DLGAP1: variants seen among roughly 807,000 people sequenced by gnomAD.
DLGAP1 encodes disks large-associated protein 1.
A neutral mutation model predicts 90.8 loss-of-function variants in DLGAP1; 11 were observed. That is an observed-to-expected ratio of 0.12 (90% CI 0.08 to 0.20). DLGAP1 has a LOEUF of 0.20. Among genes scored for constraint, DLGAP1 ranks in the 10% least tolerant of loss-of-function variants. The probability of loss-of-function intolerance (pLI) is 1.00; values close to 1 mark genes in which losing one functional copy is unlikely to be tolerated. For missense variants in DLGAP1, 1,050 were observed against 1,333.8 expected, an observed-to-expected ratio of 0.79 and a Z score of 3.31; for synonymous variants, 558 against 540.7, an observed-to-expected ratio of 1.03 and a Z score of -0.44.
At chr18:3,937,069 C>T (rs1486208256) in intron 3 of DLGAP1, among the ~76,000 whole-genome samples, 2 of 152,200 alleles carry the variant, frequency 1.3e-5, no homozygotes, top group Non-Finnish European at 2.9e-5. Context: ...GAAACATGGG[C>T]ACGCCCTGGA....
At chr18:3,983,893 A>G (rs908268122) in intron 3 of DLGAP1, 2 of 152,186 alleles carry the variant, frequency 1.3e-5, no homozygotes, top group Admixed American at 1.3e-4. Flanking sequence ...TGACTGAGTT[A>G]CCACTGAAAT....
intron 1 of DLGAP1, among the ~76,000 whole-genome samples, chr18:4,408,975 AC>A (rs2082719922): frequency 7.2e-4 from 4 of 5,590 alleles, no homozygotes; most frequent in African/African-American, 8.5e-4. Flanking sequence ...ACACACACAC[AC>A]ACAAACACAC....
intron 1 of DLGAP1, among the ~76,000 whole-genome samples, chr18:4,353,550 C>T (rs1225128094): frequency 6.6e-6 from 1 of 152,094 alleles, no homozygotes; most frequent in African/African-American, 2.4e-5. Flanking sequence ...CTTTCTGCAG[C>T]CTTCTGCTTT....
At chr18:4,160,893 C>A (rs1261570978) in intron 1 of DLGAP1, among the ~76,000 whole-genome samples, 1 of 151,940 alleles carries the variant, frequency 6.6e-6, no homozygotes, top group East Asian at 1.9e-4. Context: ...CTACAGATAC[C>A]AAAATTGAGG....
intron 3 of DLGAP1, among the ~76,000 whole-genome samples, chr18:3,949,047 T>C (rs188973501): frequency 6.6e-6 from 1 of 152,268 alleles, no homozygotes; most frequent in East Asian, 1.9e-4. Flanking sequence ...AAAAAGGCTT[T>C]CAGGAAGAAT....
intron 1 of DLGAP1, among the ~76,000 whole-genome samples, chr18:4,219,738 T>C (rs1269013854): frequency 6.6e-6 from 1 of 152,104 alleles, no homozygotes; most frequent in Non-Finnish European, 1.5e-5. Context: ...GAAGAGGCTG[T>C]CCCTTCTCTA....
intron 1 of DLGAP1, among the ~76,000 whole-genome samples, chr18:4,284,957 C>T (rs115628657): frequency 0.021 from 3,238 of 152,190 alleles, 131 homozygotes; most frequent in African/African-American, 0.074. Flanking sequence ...AAAGTGCTTT[C>T]GCAATAAAGC....
At chr18:3,749,146 T>G (rs914075857) in intron 5 of DLGAP1, among the ~76,000 whole-genome samples, 1 of 142,198 alleles carries the variant, frequency 7.0e-6, no homozygotes, top group Non-Finnish European at 1.5e-5. Context: ...CTTCTTCTTC[T>G]TCTTTTTTTT....
At position 4,180,763 on chromosome 18, in the gene DLGAP1, C is replaced by CATGGCAAAGAG. The variant is rs1555755994; in HGVS notation, c.-266-29477_-266-29476insCTCTTTGCCAT. On this transcript the variant is annotated intron_variant, in intron 1 of 12. Transcript: ENST00000315677. Reference sequence around the variant, plus strand: ...ATGGGGAAGGTTTACAAAATTTTATCATATGCTCAGAGGTAGGGAAAATCA... The same window carrying CATGGCAAAGAG: ...ATGGGGAAGGTTTACAAAATTTTATCATGGCAAAGAGATATGCTCAGAGGTAGGGAAAATCA... Among the ~76,000 whole-genome samples, 4 of 151,554 alleles carry CATGGCAAAGAG rather than the reference C, an allele frequency of 2.6e-5. No homozygotes were observed. The East Asian group carries it at 7.8e-4, about 30-fold the overall frequency.
At chr18:3,719,394 T>C (rs552590720) in intron 7 of DLGAP1, among the ~76,000 whole-genome samples, 1 of 151,076 alleles carries the variant, frequency 6.6e-6, no homozygotes, top group East Asian at 1.9e-4. Context: ...CTGTCTCTAC[T>C]AAAAATACAA....
At chr18:4,283,199 T>C (rs1739376887) in intron 1 of DLGAP1, among the ~76,000 whole-genome samples, 1 of 152,160 alleles carries the variant, frequency 6.6e-6, no homozygotes, top group South Asian at 2.1e-4. Context: ...TCGGACCCTA[T>C]CTGATATGTA....
At chr18:3,825,602 T>C (rs1227794114) in intron 4 of DLGAP1, among the ~76,000 whole-genome samples, 2 of 152,256 alleles carry the variant, frequency 1.3e-5, no homozygotes, top group East Asian at 1.9e-4. Flanking sequence ...TTTTGACCCA[T>C]GGTTGGTTAA....
intron 7 of DLGAP1, among the ~76,000 whole-genome samples, chr18:3,685,624 T>A (rs1207326537): frequency 6.6e-6 from 1 of 151,012 alleles, no homozygotes; most frequent in African/African-American, 2.4e-5. Context: ...TATTTATTTA[T>A]TTTGTAGAGA....
In DLGAP1 at chr18:4,334,649, C is replaced by T. The variant is rs983249423; in HGVS notation, c.-267+120357G>A. On this transcript the variant is annotated intron_variant, in intron 1 of 12. Transcript: ENST00000315677. Reference sequence around the variant, plus strand: ...TACTGAGGGATCAACTGTACAGGAACACAAAATGCAAGAGAGAGGAGAGGT... The same window carrying T: ...TACTGAGGGATCAACTGTACAGGAATACAAAATGCAAGAGAGAGGAGAGGT... Among the ~76,000 whole-genome samples the T allele has an allele frequency of 3.3e-5, 5 of 151,812 alleles. 1 individual carries two copies. The highest frequency in any genetic ancestry group is 1.2e-4 in the African/African-American group (5 of 41,148).
intron 5 of DLGAP1, among the ~76,000 whole-genome samples, chr18:3,748,925 A>G (rs1243852437): frequency 2.0e-5 from 3 of 152,204 alleles, no homozygotes; most frequent in African/African-American, 2.4e-5. Context: ...TTACTTTTGT[A>G]GTTGCCTCTT....
chr18:3,821,833 T>C (rs370378261), intron 4 of DLGAP1: 3 of 848,850 alleles, frequency 3.5e-6, no homozygotes, highest in Non-Finnish European at 1.4e-6. Flanking sequence ...TTTAGAGAAA[T>C]GGCTGTAATG....
Position 3,580,722 on chromosome 18 carries a change from AGGACCAGGACAGCCAC to A in DLGAP1, c.1965+1137_1965+1152del, listed in dbSNP as rs1034718399. On this transcript the variant is annotated intron_variant, in intron 8 of 12. Transcript: ENST00000315677. Reference sequence around the variant, plus strand: ...GATCACAGTCAACCACAGGCCTCTCAGGACCAGGACAGCCACGCACCATCCCCTCAGGTGTGACCGG... The same window carrying A: ...GATCACAGTCAACCACAGGCCTCTCAGCACCATCCCCTCAGGTGTGACCGG... 3.1e-6 allele frequency: 5 copies of A among 1,613,742 alleles called. No homozygotes were observed. The African/African-American group carries it at 6.7e-5, about 22-fold the overall frequency.
At chr18:3,831,289 T>G (rs1490031416) in intron 4 of DLGAP1, among the ~76,000 whole-genome samples, 1 of 152,102 alleles carries the variant, frequency 6.6e-6, no homozygotes, top group Non-Finnish European at 1.5e-5. Context: ...CTGAAGACTG[T>G]CATCTCACCC....
chr18:4,374,620 A>G (rs2144249670), intron 1 of DLGAP1, among the ~76,000 whole-genome samples: 1 of 152,316 alleles, frequency 6.6e-6, no homozygotes, highest in East Asian at 1.9e-4. Flanking sequence ...TTGAGATGAC[A>G]TATCATTTAA....
Sources: allele counts gnomAD v4.1 joint callset (sites outside exome capture counted in the v4.1 genomes callset), GRCh38; gene constraint gnomAD v4.1.1; transcripts MANE v1.5; gene names NCBI Gene and HGNC (gene_info 2026-07-23, HGNC 2026-07-21).